Variants in NSD1 observed in about 807,000 individuals in gnomAD.
The protein encoded by NSD1 is nuclear receptor binding SET domain protein 1.
NSD1 carries 26 observed loss-of-function variants against 242.7 expected under a neutral mutation model. That is an observed-to-expected ratio of 0.11 (90% CI 0.08 to 0.15). NSD1 has a LOEUF of 0.15. Ranked by LOEUF, NSD1 falls within the 10% of genes least tolerant of loss-of-function variation. NSD1 has a pLI of 1.00. For missense variants in NSD1, 2,495 were observed against 3,272.8 expected (o/e 0.76, Z 5.80); for synonymous variants, 1,106 against 1,178.1 (o/e 0.94, Z 1.25).
intron 3 of NSD1, among the ~76,000 whole-genome samples, chr5:177,201,263 G>A (rs1762490326): frequency 6.6e-6 from 1 of 151,680 alleles, no homozygotes; most frequent in Non-Finnish European, 1.5e-5. Context: ...AGGCTGGAGT[G>A]CAGTAGCGGG....
At chr5:177,275,349 C>A (rs979052264) in intron 17 of NSD1, among the ~76,000 whole-genome samples, 1 of 146,624 alleles carries the variant, frequency 6.8e-6, no homozygotes, top group Non-Finnish European at 1.5e-5. Flanking sequence ...CAATGCAGTA[C>A]TTTGGGTAAT....
At position 177,279,961 on chromosome 5, in the gene NSD1, A is replaced by ATATTTTATTTTATTTTATTTTATTT. The variant is rs571980602; in HGVS notation, c.5623-572_5623-548dup. 4.1e-4 allele frequency among the ~76,000 whole-genome samples: 57 copies of ATATTTTATTTTATTTTATTTTATTT among 140,066 alleles called. 1 individual carries two copies. The highest frequency in any genetic ancestry group is 1.6e-3 in the African/African-American group (56 of 36,116). The allele number at this position is 140,066 out of a possible 152,430, so 91.9% of individuals were successfully genotyped here. ...AATTTCAAAAAAATTTTTAAAGTTC[A>ATATTTTATTTTATTTTATTTTATTT]TATTTTATTTTATTTTATTTTATTT... On this transcript the variant is annotated intron_variant, in intron 17 of 22. Coordinates refer to ENST00000439151, the MANE Select transcript of NSD1 (RefSeq NM_022455.5).
In NSD1 at chr5:177,266,340, C is replaced by A. The variant is rs552010080; in HGVS notation, c.5147-1222C>A. Reference sequence around the variant, plus strand: ...GCATAATCAGAGCTACTGGAACACTCGATGCCGATGACCTTGCGGGCCCGG... The same window carrying A: ...GCATAATCAGAGCTACTGGAACACTAGATGCCGATGACCTTGCGGGCCCGG... On this transcript the variant is annotated intron_variant, in intron 14 of 22. Coordinates refer to ENST00000439151, the MANE Select transcript of NSD1 (RefSeq NM_022455.5). 1.6e-3 allele frequency: 1,115 copies of A among 711,050 alleles called. 20 individuals carry two copies. The highest frequency in any genetic ancestry group is 0.015 in the South Asian group (1,084 of 72,488). 44.0% of individuals were successfully genotyped at this position (711,050 alleles called of 1,614,324 possible). A position where few individuals can be genotyped will look rare whatever the true frequency, so the allele number is the denominator to read the frequency against.
intron 2 of NSD1, among the ~76,000 whole-genome samples, chr5:177,147,264 C>T (rs1001331750): frequency 3.3e-5 from 5 of 152,054 alleles, no homozygotes; most frequent in African/African-American, 9.7e-5. Flanking sequence ...TGCCACCATG[C>T]CCCACTAATT....
Position 177,298,809 on chromosome 5 carries a change from G to A in NSD1, c.*3350G>A. Reference sequence around the variant, plus strand: ...TTAGTCCTGACAGATTCCCCCATAGGGAGTAATGAGGACAGCATGAAACTT... The same window carrying A: ...TTAGTCCTGACAGATTCCCCCATAGAGAGTAATGAGGACAGCATGAAACTT... On this transcript the variant is annotated 3_prime_UTR_variant, in exon 23 of 23. Transcript: ENST00000439151. The A allele has an allele frequency of 4.3e-6, 1 of 233,148 alleles. No homozygotes were observed. The highest frequency in any genetic ancestry group is 6.0e-5 in the East Asian group (1 of 16,578). 14.4% of individuals were successfully genotyped at this position (233,148 alleles called of 1,614,324 possible).
chr5:177,168,282 G>T (rs1426322531), intron 2 of NSD1, among the ~76,000 whole-genome samples: 1 of 151,912 alleles, frequency 6.6e-6, no homozygotes, highest in Non-Finnish European at 1.5e-5. Context: ...TTATGATAGG[G>T]TTTACTGGAG....
chr5:177,172,340 C>CTT (rs1056313211), intron 2 of NSD1, among the ~76,000 whole-genome samples: 1 of 149,238 alleles, frequency 6.7e-6, no homozygotes, highest in South Asian at 2.1e-4. Flanking sequence ...TTATAATTGT[C>CTT]TTTTTTTTTT....
chr5:177,206,457 T>A (rs1762874426), intron 4 of NSD1, among the ~76,000 whole-genome samples: 1 of 152,318 alleles, frequency 6.6e-6, no homozygotes, highest in South Asian at 2.1e-4. Flanking sequence ...AGACTATTTT[T>A]AAAAATCATA....
At chr5:177,138,758 G>C (rs1393391167) in intron 2 of NSD1, among the ~76,000 whole-genome samples, 1 of 151,698 alleles carries the variant, frequency 6.6e-6, no homozygotes, top group Non-Finnish European at 1.5e-5. Context: ...TCCTGCCTCA[G>C]CCTTCTGAGT....
Position 177,294,993 on chromosome 5 carries a change from C to T in NSD1, c.7625C>T (p.Pro2542Leu). The T allele has an allele frequency of 6.2e-7, 1 of 1,614,266 alleles. No homozygotes were observed. The highest frequency in any genetic ancestry group is 8.5e-7 in the Non-Finnish European group (1 of 1,180,046). The change falls in exon 23 of 23, where the codon CCT becomes CTT. Residue 2542 changes from proline (P) to leucine (L), a missense_variant. Pro to Leu is a moderately conservative substitution (Grantham distance 98). Around this residue, in one of 19 missense-constraint regions of NSD1, gnomAD observed 475 missense variants for 563.7 expected, o/e 0.84. Coordinates refer to ENST00000439151, the MANE Select transcript of NSD1 (RefSeq NM_022455.5). ...ACCCAGGCCAGACTTCTTTCTCAGC[C>T]TCCTGCCAAGGCCTTTTTATATGAG... ...SLTQARLLSQ[P>L]PAKAFLYEPT...
chr5:177,233,537 ATTT>A (rs56908682), intron 5 of NSD1, among the ~76,000 whole-genome samples: 1 of 126,426 alleles, frequency 7.9e-6, no homozygotes, highest in African/African-American at 3.1e-5. Flanking sequence ...CCTGGCTAGT[ATTT>A]TTTTTTTTTT....
chr5:177,182,946 T>C (rs1475764083), intron 2 of NSD1, among the ~76,000 whole-genome samples: 1 of 151,938 alleles, frequency 6.6e-6, no homozygotes, highest in Non-Finnish European at 1.5e-5. Flanking sequence ...CCTCTTTTTT[T>C]GTTTTTTTAA....
chr5:177,262,177 G>A (rs536688852), intron 14 of NSD1, among the ~76,000 whole-genome samples: 74 of 152,302 alleles, frequency 4.9e-4, no homozygotes, highest in African/African-American at 1.7e-3. Flanking sequence ...CTGTAGGGCT[G>A]ACTTTTTCTG....
intron 9 of NSD1, among the ~76,000 whole-genome samples, chr5:177,246,026 G>A (rs771775739): frequency 3.3e-5 from 5 of 149,814 alleles, no homozygotes; most frequent in Non-Finnish European, 7.4e-5. Context: ...GCTGGAGTGC[G>A]GTGGCATGAT....
chr5:177,183,775 C>T (rs1393909389), intron 2 of NSD1, among the ~76,000 whole-genome samples: 1 of 152,108 alleles, frequency 6.6e-6, no homozygotes, highest in Non-Finnish European at 1.5e-5. Context: ...ACCGTCCTCA[C>T]TTCCATCTTT....
intron 2 of NSD1, among the ~76,000 whole-genome samples, chr5:177,149,119 G>A (rs1034372997): frequency 4.6e-5 from 7 of 152,090 alleles, no homozygotes; most frequent in Non-Finnish European, 1.5e-5. Context: ...GCACCTGGCC[G>A]AGTGCTTCAG....
intron 9 of NSD1, among the ~76,000 whole-genome samples, chr5:177,246,404 A>G (rs985866053): frequency 1.3e-5 from 2 of 152,190 alleles, no homozygotes; most frequent in African/African-American, 4.8e-5. Flanking sequence ...GAACTACAAG[A>G]TTTGTCATTT....
chr5:177,196,392 T>C (rs1762104990), intron 3 of NSD1, among the ~76,000 whole-genome samples: 2 of 152,204 alleles, frequency 1.3e-5, no homozygotes, highest in East Asian at 1.9e-4. Context: ...AAGAGACAGT[T>C]AAGTCATTAT....
In NSD1 at chr5:177,135,623, G is replaced by T. The variant is rs1369513377; in HGVS notation, c.520G>T (p.Val174Phe). The change falls in exon 2 of 23, where the codon GTC (valine) becomes TTC (phenylalanine). Residue 174 changes from valine (V) to phenylalanine (F), a missense_variant. This residue lies in a region of NSD1 where 376 missense variants were observed against 367.4 expected (regional missense o/e 1.02). Transcript: ENST00000439151. ...VDSEMDPEQP[V>F]TEDESIEEIF... ...TTCTGAAATGGACCCAGAACAGCCA[G>T]TCACAGAGGATGAGAGTATAGAGGA... 1 of 1,614,244 alleles carries T rather than the reference G, an allele frequency of 6.2e-7. No individual in the cohort carries two copies. The highest frequency in any genetic ancestry group is 1.3e-5 in the African/African-American group (1 of 75,066).
Sources: allele counts gnomAD v4.1 joint callset (sites outside exome capture counted in the v4.1 genomes callset), GRCh38; gene constraint gnomAD v4.1.1; regional missense constraint gnomAD v4.1.1; transcripts MANE v1.5; gene names NCBI Gene and HGNC (gene_info 2026-07-23, HGNC 2026-07-21).